PLCB1: variants seen among roughly 807,000 people sequenced by gnomAD.
The protein encoded by PLCB1 is phospholipase C beta 1.
A neutral mutation model predicts 161.8 loss-of-function variants in PLCB1; 46 were observed. The observed-to-expected ratio is 0.28, with a 90% CI of 0.22 to 0.36. The LOEUF (loss-of-function observed/expected upper bound fraction) is 0.36, where lower values mean the gene tolerates loss of function less well. Ranked by LOEUF, PLCB1 falls within the 10% of genes least tolerant of loss-of-function variation. The probability of loss-of-function intolerance (pLI) is 1.00; values close to 1 mark genes in which losing one functional copy is unlikely to be tolerated. For synonymous variants in PLCB1, 517 were observed against 503.7 expected (o/e 1.03, Z -0.35); for missense variants, 1,016 against 1,472.5 (o/e 0.69, Z 5.07).
chr20:8,297,973 T>G (rs1983715603), intron 2 of PLCB1, among the ~76,000 whole-genome samples: 1 of 151,298 alleles, frequency 6.6e-6, no homozygotes, highest in Non-Finnish European at 1.5e-5. Context: ...TAAATCACAG[T>G]CCCCATCAAA....
intron 2 of PLCB1, among the ~76,000 whole-genome samples, chr20:8,229,868 TAAAATAAAATAAAATA>T (rs1178160530): frequency 3.5e-5 from 5 of 141,156 alleles, no homozygotes; most frequent in Admixed American, 1.4e-4. Flanking sequence ...TAAAATAAAA[TAAAATAAAATAAAATA>T]AAAATAAAAT....
intron 2 of PLCB1, among the ~76,000 whole-genome samples, chr20:8,315,300 A>G (rs1984593068): frequency 6.6e-6 from 1 of 152,086 alleles, no homozygotes; most frequent in African/African-American, 2.4e-5. Flanking sequence ...AAAAAGTGAC[A>G]AAGGGCACCT....
At chr20:8,624,273 T>C (rs1988269200) in intron 3 of PLCB1, among the ~76,000 whole-genome samples, 1 of 152,184 alleles carries the variant, frequency 6.6e-6, no homozygotes, top group South Asian at 2.1e-4. Context: ...TTGAGAATAT[T>C]GCATTAAGTG....
chr20:8,751,583 T>C (rs967970971), intron 23 of PLCB1: 1 of 152,226 alleles, frequency 6.6e-6, no homozygotes, highest in Admixed American at 6.5e-5. Flanking sequence ...CTTTTTATAT[T>C]TAATTTTAAC....
At chr20:8,643,972 T>G (rs1452537928) in intron 4 of PLCB1, among the ~76,000 whole-genome samples, 2 of 152,308 alleles carry the variant, frequency 1.3e-5, no homozygotes, top group South Asian at 2.1e-4. Context: ...TTTTCGTATT[T>G]TTTTGGTGGA....
At chr20:8,397,465 A>G (rs966304618) in intron 3 of PLCB1, among the ~76,000 whole-genome samples, 1 of 152,118 alleles carries the variant, frequency 6.6e-6, no homozygotes, top group Non-Finnish European at 1.5e-5. Flanking sequence ...ATTCAAAATT[A>G]TATAAAGAAG....
intron 3 of PLCB1, among the ~76,000 whole-genome samples, chr20:8,578,456 G>T (rs1176905470): frequency 3.9e-5 from 6 of 152,210 alleles, no homozygotes; most frequent in Non-Finnish European, 2.9e-5. Flanking sequence ...GGAATATAAA[G>T]GATGAGTGTT....
At chr20:8,394,441 A>G (rs1190095727) in intron 3 of PLCB1, among the ~76,000 whole-genome samples, 1 of 152,046 alleles carries the variant, frequency 6.6e-6, no homozygotes, top group Admixed American at 6.6e-5. Flanking sequence ...GGTTCATGGG[A>G]GTTGACTTTT....
intron 1 of PLCB1, among the ~76,000 whole-genome samples, chr20:8,149,415 A>G (rs2051486234): frequency 6.6e-6 from 1 of 152,186 alleles, no homozygotes; most frequent in Non-Finnish European, 1.5e-5. Flanking sequence ...TTAGGAAGAA[A>G]AAAGTCCCAA....
intron 3 of PLCB1, among the ~76,000 whole-genome samples, chr20:8,451,846 C>A (rs1981087653): frequency 6.7e-6 from 1 of 150,242 alleles, no homozygotes; most frequent in Admixed American, 6.6e-5. Flanking sequence ...TTCTTTCTTC[C>A]ATCTCCCTCT....
At chr20:8,803,488 C>A (rs1984383630) in intron 31 of PLCB1, among the ~76,000 whole-genome samples, 1 of 147,548 alleles carries the variant, frequency 6.8e-6, no homozygotes, top group Non-Finnish European at 1.5e-5. Flanking sequence ...ACAGGGAATG[C>A]CATGTCAGAA....
intron 9 of PLCB1, among the ~76,000 whole-genome samples, chr20:8,660,559 A>C (rs115524595): frequency 0.016 from 2,371 of 152,172 alleles, 62 homozygotes; most frequent in African/African-American, 0.053. Flanking sequence ...CAATGCCTCC[A>C]TACATCATCC....
chr20:8,839,752 A>C lies in PLCB1; in HGVS notation c.3424-41870A>C, dbSNP rs3034970. ...GTAATTCTTAAAAAAAAAAAAAAAA[A>C]GCCTTGGCCAGGTGCGGTGGCTCAC... On this transcript the variant is annotated intron_variant, in intron 31 of 31. Transcript: ENST00000338037. 4.6e-4 allele frequency among the ~76,000 whole-genome samples: 69 copies of C among 148,436 alleles called. 2 individuals are homozygous for C. Among genetic ancestry groups the C allele is most frequent in the African/African-American group, 9.3e-4 (38 of 40,772 alleles).
chr20:8,581,706 G>C (rs1002323422), intron 3 of PLCB1, among the ~76,000 whole-genome samples: 17 of 152,136 alleles, frequency 1.1e-4, no homozygotes, highest in African/African-American at 4.1e-4. Context: ...TACCAAGAGA[G>C]TTCCAGGCAA....
intron 9 of PLCB1, among the ~76,000 whole-genome samples, chr20:8,679,082 C>T (rs1990155284): frequency 6.6e-6 from 1 of 152,112 alleles, no homozygotes; most frequent in Non-Finnish European, 1.5e-5. Context: ...ATTTCCAACC[C>T]TTGACACATA....
chr20:8,748,620 C>T (rs1981292492), intron 23 of PLCB1, among the ~76,000 whole-genome samples: 1 of 152,126 alleles, frequency 6.6e-6, no homozygotes. Flanking sequence ...TGAAGTTTTT[C>T]ACTTTGCTTT....
chr20:8,321,818 C>T (rs879882194), intron 2 of PLCB1, among the ~76,000 whole-genome samples: 11 of 152,104 alleles, frequency 7.2e-5, no homozygotes, highest in Non-Finnish European at 1.3e-4. Context: ...TCATCATAGC[C>T]GACATGTCAG....
intron 2 of PLCB1, among the ~76,000 whole-genome samples, chr20:8,155,707 T>C (rs2050385179): frequency 6.6e-6 from 1 of 152,220 alleles, no homozygotes; most frequent in African/African-American, 2.4e-5. Flanking sequence ...CCCAAAATTG[T>C]CAACTTTGAC....
At chr20:8,788,812 G>C (rs1237004184) in intron 29 of PLCB1, 90 bp downstream of exon 29, 4 of 801,666 alleles carry the variant, frequency 5.0e-6, no homozygotes, top group African/African-American at 3.5e-5. Flanking sequence ...ACCAGTCAAA[G>C]ACTCCTTCGT....
Sources: gnomAD v4.1 joint callset for allele counts (sites outside exome capture counted in the v4.1 genomes callset) on GRCh38, gnomAD v4.1.1 for gene constraint, MANE v1.5 for transcripts, NCBI Gene and HGNC (gene_info 2026-07-23, HGNC 2026-07-21) for gene names.